Variants in PKD1 observed in about 807,000 individuals in gnomAD.
PKD1 encodes polycystin-1.
A neutral mutation model predicts 361.7 loss-of-function variants in PKD1; 81 were observed. That is an observed-to-expected ratio of 0.22 (90% CI 0.19 to 0.27). The LOEUF is 0.27. PKD1 is among the 10% of genes least tolerant of loss of function. The pLI is 1.00. For missense variants in PKD1, 6,399 were observed against 6,118.3 expected (o/e 1.05, Z -1.53); for synonymous variants, 3,615 against 2,818.3 (o/e 1.28, Z -8.95).
At position 2,111,805 on chromosome 16, in the gene PKD1, C is replaced by T; in HGVS notation, c.3362G>A (p.Ser1121Asn). ...CACGGAGGGCAGGGAGGCGCGCACGCTCACAGGCACCTGCTGCGTCAGGTT... is the reference window on the plus strand; with the variant it reads ...CACGGAGGGCAGGGAGGCGCGCACGTTCACAGGCACCTGCTGCGTCAGGTT... The part of the protein sequence containing the change: ...FENLTQQVPV[S>N]VRASLPSVAV... The change falls in exon 15 of 46, where the codon AGC becomes AAC. Residue 1121 changes from serine to asparagine, a missense_variant. Physicochemically the swap from Ser to Asn is conservative, Grantham distance 46. Coordinates refer to ENST00000262304, the MANE Select transcript of PKD1 (RefSeq NM_001009944.3). 1 of 1,609,926 alleles carries T rather than the reference C, an allele frequency of 6.2e-7. No individual in the cohort carries two copies. The highest frequency in any genetic ancestry group is 8.5e-7 in the Non-Finnish European group (1 of 1,179,414).
intron 45 of PKD1, 44 bp from the exon 46 acceptor site, chr16:2,090,238 G>A (rs1463677516): frequency 1.9e-6 from 3 of 1,608,982 alleles, no homozygotes; most frequent in Non-Finnish European, 2.5e-6. Flanking sequence ...TGCACCCTGG[G>A]CAGAGCCCAG....
Position 2,099,963 on chromosome 16 carries a change from C to A in PKD1, c.9821G>T (p.Arg3274Leu), listed in dbSNP as rs771445965. The A allele has an allele frequency of 6.4e-7, 1 of 1,563,646 alleles. No individual in the cohort carries two copies. Among genetic ancestry groups the A allele is most frequent in the Non-Finnish European group, 8.7e-7 (1 of 1,155,558 alleles). The change falls in exon 29 of 46, where the codon CGT becomes CTT. Residue 3274 changes from arginine to leucine, a missense_variant. Transcript: ENST00000262304. ...GGTGGCCCTCTGGATGCGAGTGAAA[C>A]GGCTACGAGGCGGCCGGTCCCATAT... The part of the protein sequence containing the change: ...LSIWDRPPRS[R>L]FTRIQRATCC...
chr16:2,088,932 A>G lies in PKD1; in HGVS notation c.*795T>C. 1 of 382,522 alleles carries G rather than the reference A, an allele frequency of 2.6e-6. No homozygotes were observed. Among genetic ancestry groups the G allele is most frequent in the Non-Finnish European group, 4.9e-6 (1 of 205,828 alleles). 23.7% of individuals were successfully genotyped at this position (382,522 alleles called of 1,614,324 possible). A position where few individuals can be genotyped will look rare whatever the true frequency, so the allele number is the denominator to read the frequency against. On this transcript the variant is annotated 3_prime_UTR_variant, in exon 46 of 46. Transcript: ENST00000262304. The stretch of plus-strand genomic sequence containing the variant: ...TCCTCCACCCTGGGAGCCAGCCCCC[A>G]GGAGGAGTCTTTTCCTCTAACCACC...
intron 34 of PKD1, among the ~76,000 whole-genome samples, chr16:2,096,455 C>T (rs999186958): frequency 6.6e-6 from 1 of 152,262 alleles, no homozygotes; most frequent in Non-Finnish European, 1.5e-5. Context: ...TGCGTGACTA[C>T]ATACAAGGTA....
In PKD1 at chr16:2,097,036, C is replaced by T. The variant is rs2091876508; in HGVS notation, c.10499+112G>A. On this transcript the variant is annotated intron_variant, in intron 34 of 45. Coordinates refer to ENST00000262304, the MANE Select transcript of PKD1 (RefSeq NM_001009944.3). ...GAGAAGTGAAGTGGTGCAGCCACAG[C>T]CCTGCCCTGGCACCCCACCCCACCC... The T allele has an allele frequency of 8.0e-6, 6 of 748,496 alleles. No homozygotes were observed. In the South Asian group the frequency reaches 9.4e-5, roughly 12 times the overall value. 46.4% of individuals were successfully genotyped at this position (748,496 alleles called of 1,614,324 possible).
intron 13 of PKD1, 136 bp from the exon 14 acceptor site, chr16:2,112,609 G>T: frequency 1.0e-6 from 1 of 978,648 alleles, no homozygotes; most frequent in Non-Finnish European, 1.5e-6. Context: ...ACCCGGCTGT[G>T]CTGAGGCCTC....
rs980190350 is a variant in PKD1, at chr16:2,100,632, A to G, written c.9398-66T>C. The G allele has an allele frequency of 1.4e-6, 2 of 1,395,228 alleles. No homozygotes were observed. The highest frequency in any genetic ancestry group is 2.0e-6 in the Non-Finnish European group (2 of 996,724). 86.4% of individuals were successfully genotyped at this position (1,395,228 alleles called of 1,614,324 possible). A position where few individuals can be genotyped will look rare whatever the true frequency, so the allele number is the denominator to read the frequency against. On this transcript the variant is annotated intron_variant, in intron 26 of 45. Coordinates refer to ENST00000262304, the MANE Select transcript of PKD1 (RefSeq NM_001009944.3). This position sits in a 1 kb window ranked among gnomAD's most constrained non-coding sequence, Gnocchi z 4.4. ...CCCAACACGTGTGGCATCCCAGGCAAGTCATCTCAGCTTTGGCCTGTGCGC... is the reference window on the plus strand; with the variant it reads ...CCCAACACGTGTGGCATCCCAGGCAGGTCATCTCAGCTTTGGCCTGTGCGC...
rs753825784 is a variant in PKD1, at chr16:2,114,524, G to A, written c.2499C>T (p.Asp833=). The A allele has an allele frequency of 9.4e-6, 15 of 1,593,956 alleles. No individual in the cohort carries two copies. Among genetic ancestry groups the A allele is most frequent in the South Asian group, 3.3e-5 (3 of 90,788 alleles). Residue 833 remains aspartate, a synonymous_variant, in exon 11 of 46, where the codon GAC becomes GAT. Coordinates refer to ENST00000262304, the MANE Select transcript of PKD1 (RefSeq NM_001009944.3). ...CGTTGGTGGGCACGTAGAGGCGGCC[G>A]TCGCGGGGGGCAGGGTAGATGACCC... ...GLRVIYPAPR[D]GRLYVPTNGS...
At chr16:2,124,248 C>G (rs545005504) in intron 1 of PKD1, among the ~76,000 whole-genome samples, 1 of 152,244 alleles carries the variant, frequency 6.6e-6, no homozygotes, top group Non-Finnish European at 1.5e-5. Context: ...CCCGAGGTAG[C>G]TGACACGTGT....
chr16:2,126,010 G>T (rs985302641), intron 1 of PKD1, among the ~76,000 whole-genome samples: 9 of 152,068 alleles, frequency 5.9e-5, no homozygotes, highest in African/African-American at 1.7e-4. Context: ...ATGGTGGGGG[G>T]GGGGGCAAGC....
chr16:2,094,097 C>T lies in PKD1; in HGVS notation c.10613G>A (p.Arg3538Lys). Residue 3538 changes from arginine (R) to lysine (K), a missense_variant, in exon 35 of 46, where the codon AGG becomes AAG. Arg to Lys is a conservative substitution (Grantham distance 26). Transcript: ENST00000262304. ...CCGGGGCTACGCAAGCACACCTGTC[C>T]TGGACAGCCTCGCTGCCTGGGGCTG... The part of the protein sequence containing the change: ...WEQPQAARLS[R>K]TGLVEGLRKR... 1 of 1,591,594 alleles carries T rather than the reference C, an allele frequency of 6.3e-7. No homozygotes were observed. Among genetic ancestry groups the T allele is most frequent in the South Asian group, 1.1e-5 (1 of 88,358 alleles).
Position 2,088,879 on chromosome 16 carries a change from G to A in PKD1, c.*848C>T, listed in dbSNP as rs946916774. The A allele has an allele frequency of 1.7e-4, 79 of 469,712 alleles. 1 individual carries two copies. Among genetic ancestry groups the A allele is most frequent in the African/African-American group, 1.4e-3 (42 of 31,106 alleles). 29.1% of individuals were successfully genotyped at this position (469,712 alleles called of 1,614,324 possible). ...ATACAGCACACTCGCGCGTGCGCGC[G>A]CGCACACACACACACACACAGTCAC... On this transcript the variant is annotated 3_prime_UTR_variant, in exon 46 of 46. Coordinates refer to ENST00000262304, the MANE Select transcript of PKD1 (RefSeq NM_001009944.3).
chr16:2,115,933 A>G, intron 9 of PKD1, 59 bp downstream of exon 9: 2 of 1,532,074 alleles, frequency 1.3e-6, no homozygotes, highest in Non-Finnish European at 1.8e-6. Context: ...GAAAGCTCAG[A>G]GAGGCCACCC....
At chr16:2,121,201 A>C (rs1025877300) in intron 1 of PKD1, among the ~76,000 whole-genome samples, 2 of 151,546 alleles carry the variant, frequency 1.3e-5, no homozygotes, top group African/African-American at 4.9e-5. Flanking sequence ...CCCTGTCTCT[A>C]CCAAAACTAC....
intron 20 of PKD1, 59 bp downstream of exon 20, chr16:2,105,806 G>T (rs1474446634): frequency 1.3e-6 from 2 of 1,533,558 alleles, no homozygotes; most frequent in Admixed American, 1.7e-5. Flanking sequence ...CAGGGGTACA[G>T]GTCTTGGTCC....
In PKD1 at chr16:2,114,824, G is replaced by T. The variant is rs770107481; in HGVS notation, c.2199C>A (p.Pro733=). The T allele has an allele frequency of 8.0e-6, 10 of 1,246,958 alleles. No homozygotes were observed. The highest frequency in any genetic ancestry group is 7.9e-5 in the Admixed American group (4 of 50,494). 77.2% of individuals were successfully genotyped at this position (1,246,958 alleles called of 1,614,324 possible). ...ACGGGGCCCGGGGACCAGGGTGGCC[G>T]GGAGCCGGCGAGCAGTGCAGGAGGG... ...PGALLHCSPA[P]GHPGPRAPYL... is the part of the protein sequence containing the mutation. Residue 733 remains proline, a synonymous_variant, in exon 11 of 46, where the codon CCC becomes CCA. Transcript: ENST00000262304.
intron 20 of PKD1, 140 bp downstream of exon 20, chr16:2,105,725 T>C: frequency 2.3e-6 from 3 of 1,286,428 alleles, no homozygotes; most frequent in South Asian, 2.5e-5. Flanking sequence ...GAGCGGAAGG[T>C]CGGGGTGCTG....
chr16:2,127,489 C>A (rs1007413643), intron 1 of PKD1, among the ~76,000 whole-genome samples: 1 of 152,208 alleles, frequency 6.6e-6, no homozygotes, highest in East Asian at 1.9e-4. Context: ...TGGCTCCCGT[C>A]GTCCAGTGTC....
intron 6 of PKD1, 79 bp downstream of exon 6, chr16:2,117,410 G>A: frequency 8.8e-7 from 1 of 1,141,820 alleles, no homozygotes; most frequent in East Asian, 2.6e-5. Flanking sequence ...TTCCTCCTGA[G>A]ACTCCCCAGC....
Sources: allele counts gnomAD v4.1 joint callset (sites outside exome capture counted in the v4.1 genomes callset), GRCh38; gene constraint gnomAD v4.1.1; non-coding constraint Gnocchi (gnomAD v3.1); transcripts MANE v1.5; gene names NCBI Gene and HGNC (gene_info 2026-07-23, HGNC 2026-07-21).